The following PLPPR1 variants were observed in gnomAD, a reference collection of about 807,000 sequenced individuals.
PLPPR1 encodes the protein phospholipid phosphatase related 1.
A neutral mutation model predicts 33.1 loss-of-function variants in PLPPR1; 10 were observed. The ratio of observed to expected loss-of-function variants is 0.30; its 90% confidence interval spans 0.19 to 0.51. The LOEUF (loss-of-function observed/expected upper bound fraction) is 0.51, where lower values mean the gene tolerates loss of function less well. Ranked by LOEUF, PLPPR1 falls within the 20% of genes least tolerant of loss-of-function variation. The pLI is 0.97. For missense variants in PLPPR1, 304 were observed against 408.1 expected (o/e 0.74, Z 2.20); for synonymous variants, 151 against 151.0 (o/e 1.00, Z 0.00).
chr9:101,078,836 T>A (rs1344773554), intron 1 of PLPPR1, among the ~76,000 whole-genome samples: 2 of 152,164 alleles, frequency 1.3e-5, no homozygotes, highest in East Asian at 3.9e-4. Flanking sequence ...TATTCTCAGT[T>A]TCTCATACAG....
At chr9:101,124,835 A>AT (rs919044266) in intron 1 of PLPPR1, among the ~76,000 whole-genome samples, 2 of 152,122 alleles carry the variant, frequency 1.3e-5, no homozygotes, top group Non-Finnish European at 2.9e-5. Flanking sequence ...ATATGACCAT[A>AT]TTTTTTTCTA....
intron 1 of PLPPR1, among the ~76,000 whole-genome samples, chr9:101,087,061 C>G (rs1021184825): frequency 1.3e-5 from 2 of 151,878 alleles, no homozygotes; most frequent in Non-Finnish European, 1.5e-5. Context: ...CACTGTAATC[C>G]CAGCTACTCA....
intron 1 of PLPPR1, among the ~76,000 whole-genome samples, chr9:101,058,744 C>A (rs1041753003): frequency 2.6e-5 from 4 of 152,060 alleles, no homozygotes; most frequent in Non-Finnish European, 5.9e-5. Context: ...AAAAGAGTTT[C>A]TCAAATTAAA....
intron 1 of PLPPR1, among the ~76,000 whole-genome samples, chr9:101,156,552 C>CAAAAAAAAAAAAAAAAAAAAAAAAAA (rs1162056636): frequency 5.6e-5 from 4 of 71,322 alleles, no homozygotes; most frequent in Admixed American, 1.6e-4. Flanking sequence ...ACCCTGTCTC[C>CAAAAAAAAAAAAAAAAAAAAAAAAAA]AAAAAAAAAA....
intron 1 of PLPPR1, among the ~76,000 whole-genome samples, chr9:101,094,227 A>G (rs995900054): frequency 6.6e-6 from 1 of 152,298 alleles, no homozygotes; most frequent in Admixed American, 6.5e-5. Flanking sequence ...CTATCAAGAC[A>G]CTTAAGGCCT....
chr9:101,041,742 G>A (rs1357999374), intron 1 of PLPPR1, among the ~76,000 whole-genome samples: 2 of 152,150 alleles, frequency 1.3e-5, no homozygotes, highest in Non-Finnish European at 1.5e-5. Context: ...AGCTGTGTAA[G>A]GAGTGGCAGT....
At chr9:101,304,652 C>T (rs1828814726) in intron 4 of PLPPR1, among the ~76,000 whole-genome samples, 1 of 152,282 alleles carries the variant, frequency 6.6e-6, no homozygotes, top group South Asian at 2.1e-4. Context: ...GGGGCAAGAC[C>T]TATGCATGCT....
At chr9:101,231,754 T>G (rs1827191990) in intron 2 of PLPPR1, among the ~76,000 whole-genome samples, 1 of 152,044 alleles carries the variant, frequency 6.6e-6, no homozygotes, top group Admixed American at 6.6e-5. Flanking sequence ...TTTATTTTAT[T>G]TTAGTGAACT....
At chr9:101,307,228 G>A (rs1378031190) in intron 4 of PLPPR1, among the ~76,000 whole-genome samples, 1 of 152,134 alleles carries the variant, frequency 6.6e-6, no homozygotes, top group Non-Finnish European at 1.5e-5. Flanking sequence ...CAATCGCTGT[G>A]ACCACAGAGC....
intron 1 of PLPPR1, among the ~76,000 whole-genome samples, chr9:101,037,789 A>G (rs1564127292): frequency 7.5e-6 from 1 of 133,910 alleles, no homozygotes; most frequent in East Asian, 2.1e-4. Context: ...ATCTGTCTGT[A>G]TTTTTTTTTT....
chr9:101,291,481 GCCT>G (rs1828507088), intron 4 of PLPPR1, among the ~76,000 whole-genome samples: 3 of 152,224 alleles, frequency 2.0e-5, no homozygotes, highest in Non-Finnish European at 4.4e-5. Flanking sequence ...TGGGCAGACT[GCCT>G]CCTCAAGTGG....
chr9:101,292,113 C>A (rs893102752), intron 4 of PLPPR1, among the ~76,000 whole-genome samples: 49 of 152,180 alleles, frequency 3.2e-4, no homozygotes, highest in South Asian at 4.1e-4. Context: ...GATGGAGCTG[C>A]AAGCCAAGGC....
At chr9:101,051,836 A>AT (rs1315396161) in intron 1 of PLPPR1, among the ~76,000 whole-genome samples, 2 of 152,156 alleles carry the variant, frequency 1.3e-5, no homozygotes, top group Non-Finnish European at 2.9e-5. Flanking sequence ...CTCTATTTAC[A>AT]TTTTAACGTG....
At chr9:101,322,585 T>C (rs1466044431) in intron 7 of PLPPR1, 1 of 152,162 alleles carries the variant, frequency 6.6e-6, no homozygotes, top group Non-Finnish European at 1.5e-5. Flanking sequence ...AGAAATAACC[T>C]TGTAAACAGT....
chr9:101,160,743 C>T (rs542244276), intron 1 of PLPPR1, among the ~76,000 whole-genome samples: 16 of 152,100 alleles, frequency 1.1e-4, no homozygotes, highest in East Asian at 3.9e-4. Flanking sequence ...ATGCAAAAAT[C>T]GTATGACTGG....
chr9:101,116,543 A>G (rs969946705), intron 1 of PLPPR1, among the ~76,000 whole-genome samples: 2 of 152,130 alleles, frequency 1.3e-5, no homozygotes, highest in Non-Finnish European at 2.9e-5. Context: ...GGCTTGGCGC[A>G]GTGGCTCACG....
rs371407250 is a variant in PLPPR1 at position 101,238,144 on chromosome 9, T to C, written c.64-31736T>C. Among the ~76,000 whole-genome samples, 76 of 138,404 alleles carry C rather than the reference T, an allele frequency of 5.5e-4. No homozygotes were observed. The South Asian group carries it at 8.9e-3, about 16-fold the overall frequency. 90.8% of individuals were successfully genotyped at this position (138,404 alleles called of 152,430 possible). A position where few individuals can be genotyped will look rare whatever the true frequency, so the allele number is the denominator to read the frequency against. On this transcript the variant is annotated intron_variant, in intron 2 of 7. Transcript: ENST00000374874. The stretch of plus-strand genomic sequence containing the variant: ...GTGTATATATATACATATACACACA[T>C]ATATATACATATACACACATATATA...
At position 101,059,047 on chromosome 9, in the gene PLPPR1, C is replaced by T. The variant is rs72741406; in HGVS notation, c.-46+29945C>T. Among the ~76,000 whole-genome samples the T allele has an allele frequency of 5.2e-3, 793 of 152,204 alleles. 2 individuals carry two copies. The highest frequency in any genetic ancestry group is 6.4e-3 in the Non-Finnish European group (435 of 68,006). ...ACTAAAATTCTGATTTTGTGATTAT[C>T]TGTGAAATAACTTTTTGGTCTGTTT... is the stretch of plus-strand genomic sequence containing the variant. On this transcript the variant is annotated intron_variant, in intron 1 of 7. Coordinates refer to ENST00000374874, the MANE Select transcript of PLPPR1 (RefSeq NM_207299.2).
chr9:101,127,039 G>T (rs1442870168), intron 1 of PLPPR1, among the ~76,000 whole-genome samples: 1 of 116,518 alleles, frequency 8.6e-6, no homozygotes, highest in African/African-American at 2.9e-5. Context: ...AGAGTGATAA[G>T]AAATTCTAAG....
Sources: allele counts gnomAD v4.1 joint callset (sites outside exome capture counted in the v4.1 genomes callset), GRCh38; gene constraint gnomAD v4.1.1; transcripts MANE v1.5; gene names NCBI Gene and HGNC (gene_info 2026-07-23, HGNC 2026-07-21).